GK5: variants seen among roughly 807,000 people sequenced by gnomAD.
The protein encoded by GK5 is ATP:glycerol 3-phosphotransferase 5.
GK5 carries 39 observed loss-of-function variants against 77.3 expected under a neutral mutation model. The observed-to-expected ratio is 0.50, with a 90% CI of 0.39 to 0.66. The LOEUF is 0.66. GK5 is among the 30% of genes least tolerant of loss of function. GK5 has a pLI of 0.00. For synonymous variants in GK5, 211 were observed against 208.0 expected (o/e 1.01, Z -0.13); for missense variants, 487 against 633.8 (o/e 0.77, Z 2.49).
intron 4 of GK5, among the ~76,000 whole-genome samples, chr3:142,203,694 A>G (rs1316009101): frequency 6.6e-6 from 1 of 152,178 alleles, no homozygotes; most frequent in African/African-American, 2.4e-5. Flanking sequence ...GAATCACGTG[A>G]ACCCAGGAGG....
At chr3:142,188,972 A>G (rs1387728309) in intron 5 of GK5, among the ~76,000 whole-genome samples, 2 of 152,252 alleles carry the variant, frequency 1.3e-5, no homozygotes, top group African/African-American at 4.8e-5. Flanking sequence ...AACAAAGTTT[A>G]TCACCTCTAT....
intron 4 of GK5, chr3:142,204,090 A>G (rs558189479): frequency 1.3e-5 from 2 of 157,954 alleles, no homozygotes; most frequent in East Asian, 3.7e-4. Context: ...TGCAGTGGCA[A>G]TCACTGCAGC....
chr3:142,211,749 G>A (rs112356649), intron 3 of GK5, among the ~76,000 whole-genome samples: 4 of 152,088 alleles, frequency 2.6e-5, no homozygotes, highest in African/African-American at 7.2e-5. Context: ...AGCTATGATC[G>A]TGCCACTGCA....
chr3:142,166,515 T>C (rs759022492), intron 15 of GK5, among the ~76,000 whole-genome samples: 9 of 152,152 alleles, frequency 5.9e-5, no homozygotes, highest in Non-Finnish European at 1.0e-4. Context: ...AAGGATCATA[T>C]GATATATAAT....
At position 142,165,427 on chromosome 3, in the gene GK5, C is replaced by T; in HGVS notation, c.*195G>A. On this transcript the variant is annotated 3_prime_UTR_variant, in exon 16 of 16. Transcript: ENST00000392993. ...ATATAAAGTTTTGAGGTATTGCTGC[C>T]TTACCATGGTTTAGGGGAAAAAAAT... The T allele has an allele frequency of 2.3e-6, 1 of 437,152 alleles. No individual in the cohort carries two copies. The highest frequency in any genetic ancestry group is 4.0e-6 in the Non-Finnish European group (1 of 250,794). The allele number at this position is 437,152 out of a possible 1,614,324, so 27.1% of individuals were successfully genotyped here.
chr3:142,219,643 A>G (rs896141909), intron 1 of GK5, among the ~76,000 whole-genome samples: 18 of 152,246 alleles, frequency 1.2e-4, no homozygotes, highest in African/African-American at 4.3e-4. Context: ...TAAAGTTCAC[A>G]TAACTATACA....
In GK5 at chr3:142,201,426, A is replaced by C. The variant is rs77621242; in HGVS notation, c.412-2493T>G. On this transcript the variant is annotated intron_variant, in intron 4 of 15. Coordinates refer to ENST00000392993, the MANE Select transcript of GK5 (RefSeq NM_001039547.3). ...AATCCTATGTATATAACATTTTTCA[A>C]ATTAGAACATTTTTTAAATGGAGGA... 8.5e-3 allele frequency among the ~76,000 whole-genome samples: 1,289 copies of C among 152,324 alleles called. 16 individuals carry two copies. Among genetic ancestry groups the C allele is most frequent in the African/African-American group, 0.029 (1,214 of 41,568 alleles).
chr3:142,224,577 C>T (rs998751243), intron 1 of GK5, among the ~76,000 whole-genome samples: 1 of 152,150 alleles, frequency 6.6e-6, no homozygotes, highest in African/African-American at 2.4e-5. Context: ...TACTAACAAC[C>T]AACCAATGAT....
intron 4 of GK5, among the ~76,000 whole-genome samples, chr3:142,199,240 ATAGT>A (rs1468430856): frequency 1.3e-5 from 2 of 152,090 alleles, no homozygotes; most frequent in Non-Finnish European, 2.9e-5. Context: ...TTTAACTATG[ATAGT>A]TAAAGGAGAG....
chr3:142,183,309 T>C (rs571761696), intron 9 of GK5: 43 of 261,058 alleles, frequency 1.6e-4, no homozygotes, highest in African/African-American at 9.3e-4. Context: ...TTTGTTTTGT[T>C]TTTTAGAGAC....
At chr3:142,205,613 C>T (rs1056666512) in intron 3 of GK5, among the ~76,000 whole-genome samples, 4 of 152,186 alleles carry the variant, frequency 2.6e-5, no homozygotes, top group Non-Finnish European at 4.4e-5. Context: ...TCACTGCAAC[C>T]TTTAATCCCT....
chr3:142,211,612 T>C (rs2064189138), intron 3 of GK5, among the ~76,000 whole-genome samples: 1 of 152,146 alleles, frequency 6.6e-6, no homozygotes, highest in African/African-American at 2.4e-5. Flanking sequence ...GGCAACATGG[T>C]GAGACTCCAT....
chr3:142,217,929 G>A (rs1348435352), intron 1 of GK5, among the ~76,000 whole-genome samples: 2 of 151,274 alleles, frequency 1.3e-5, no homozygotes, highest in African/African-American at 2.4e-5. Context: ...ATTTATGCAA[G>A]GCAAAAAAAC....
At chr3:142,211,139 C>G (rs1042639731) in intron 3 of GK5, among the ~76,000 whole-genome samples, 1 of 152,198 alleles carries the variant, frequency 6.6e-6, no homozygotes, top group Admixed American at 6.5e-5. Flanking sequence ...GGGATGTCCC[C>G]AGGGGACGTT....
intron 4 of GK5, among the ~76,000 whole-genome samples, chr3:142,200,109 A>G (rs1176504776): frequency 6.6e-6 from 1 of 151,746 alleles, no homozygotes; most frequent in Admixed American, 6.6e-5. Flanking sequence ...ACACACACAC[A>G]CACACACACA....
chr3:142,206,258 ATT>A (rs1015311641), intron 3 of GK5, among the ~76,000 whole-genome samples: 2 of 151,990 alleles, frequency 1.3e-5, no homozygotes. Flanking sequence ...TTTGTTTTCA[ATT>A]TTTTTAGGTA....
chr3:142,192,053 C>T (rs1003813241), intron 5 of GK5, among the ~76,000 whole-genome samples: 1 of 152,042 alleles, frequency 6.6e-6, no homozygotes, highest in Non-Finnish European at 1.5e-5. Flanking sequence ...GACACCTCAC[C>T]CAAGATATAC....
chr3:142,185,522 C>A, intron 9 of GK5: 1 of 996,130 alleles, frequency 1.0e-6, no homozygotes, highest in East Asian at 1.1e-4. Context: ...ACTTTCTCTG[C>A]TAGTTTAAGT....
intron 1 of GK5, among the ~76,000 whole-genome samples, chr3:142,221,372 G>T (rs1180176180): frequency 6.6e-6 from 1 of 152,080 alleles, no homozygotes; most frequent in Non-Finnish European, 1.5e-5. Flanking sequence ...TTATTTCAAG[G>T]CTATAAACCT....
Sources: gnomAD v4.1 joint callset for allele counts (sites outside exome capture counted in the v4.1 genomes callset) on GRCh38, gnomAD v4.1.1 for gene constraint, MANE v1.5 for transcripts, NCBI Gene and HGNC (gene_info 2026-07-23, HGNC 2026-07-21) for gene names.